Variants in PPFIA2 observed in about 807,000 individuals in gnomAD.
PPFIA2 encodes the protein PPFI scaffold protein A2.
In PPFIA2, 46 loss-of-function variants were observed where a neutral mutation model predicts 175.5. The observed-to-expected ratio is 0.26, with a 90% CI of 0.21 to 0.34. The LOEUF (loss-of-function observed/expected upper bound fraction) is 0.34. Ranked by LOEUF, PPFIA2 falls within the 10% of genes least tolerant of loss-of-function variation. The pLI, the probability that PPFIA2 is intolerant of heterozygous loss-of-function variation, is 1.00. For synonymous variants in PPFIA2, 568 were observed against 511.4 expected, an observed-to-expected ratio of 1.11 and a Z score of -1.49; for missense variants, 1,179 against 1,506.1, an observed-to-expected ratio of 0.78 and a Z score of 3.60.
Position 81,294,921 on chromosome 12 carries a change from T to C in PPFIA2, c.2839A>G (p.Asn947Asp). The change falls in exon 24 of 33, where the codon AAT (asparagine) becomes GAT (aspartate). Residue 947 changes from asparagine (N) to aspartate (D), a missense_variant. By Grantham distance (23) the Asn-to-Asp change is conservative (BLOSUM62 1). Transcript: ENST00000549396. ...CGAAGTTTTAAGCGATGCAGTGGAT[T>C]GCTGATTCCAATTTCTCTCTGGATC... ...TEIQREIGISNPLHRLKLRLA... is the reference protein window; with the variant it reads ...TEIQREIGISDPLHRLKLRLA... 3 of 1,612,750 alleles carry C rather than the reference T, an allele frequency of 1.9e-6. No homozygotes were observed. The highest frequency in any genetic ancestry group is 2.5e-6 in the Non-Finnish European group (3 of 1,178,924).
intron 4 of PPFIA2, among the ~76,000 whole-genome samples, chr12:81,529,544 C>T (rs962499428): frequency 5.9e-5 from 8 of 135,166 alleles, no homozygotes; most frequent in African/African-American, 8.6e-5. Context: ...CAAAGAGTGG[C>T]GGGGGGGCAG....
intron 4 of PPFIA2, among the ~76,000 whole-genome samples, chr12:81,665,025 C>A (rs574123316): frequency 2.1e-5 from 3 of 143,432 alleles, no homozygotes; most frequent in Non-Finnish European, 4.6e-5. Flanking sequence ...CATCACACAC[C>A]GGGGCCTGTT....
intron 6 of PPFIA2, among the ~76,000 whole-genome samples, chr12:81,443,841 C>CTTT (rs1391959282): frequency 2.5e-5 from 3 of 120,000 alleles, no homozygotes; most frequent in Admixed American, 8.4e-5. Context: ...AAATGCCAAC[C>CTTT]TTTCTTTTTT....
chr12:81,423,406 C>T (rs2046632394), intron 7 of PPFIA2, among the ~76,000 whole-genome samples: 1 of 151,990 alleles, frequency 6.6e-6, no homozygotes, highest in Admixed American at 6.6e-5. Context: ...CATATCATGA[C>T]CAAGAGAGAT....
chr12:81,265,652 G>T (rs2037029796), intron 30 of PPFIA2, among the ~76,000 whole-genome samples: 1 of 152,112 alleles, frequency 6.6e-6, no homozygotes. Context: ...ATTCTATTTT[G>T]TGCTTTTAAA....
chr12:81,703,950 T>A (rs910006605), intron 3 of PPFIA2, among the ~76,000 whole-genome samples: 1 of 152,190 alleles, frequency 6.6e-6, no homozygotes, highest in Non-Finnish European at 1.5e-5. Context: ...TGACTTATTA[T>A]TCTATTCCTC....
At chr12:81,598,006 A>G in intron 4 of PPFIA2, 1 of 1,535,226 alleles carries the variant, frequency 6.5e-7, no homozygotes. Flanking sequence ...GGGAGCCAGA[A>G]ACGGTGTTCA....
chr12:81,335,820 T>C (rs1289670916), intron 21 of PPFIA2, among the ~76,000 whole-genome samples: 1 of 152,038 alleles, frequency 6.6e-6, no homozygotes, highest in East Asian at 1.9e-4. Context: ...GAAATGACTC[T>C]AAAACCAGAT....
intron 3 of PPFIA2, among the ~76,000 whole-genome samples, chr12:81,718,709 G>A (rs2078961177): frequency 6.6e-6 from 1 of 151,584 alleles, no homozygotes; most frequent in African/African-American, 2.4e-5. Context: ...AGAAAATGCT[G>A]CTATAAATAT....
At position 81,627,570 on chromosome 12, in the gene PPFIA2, A is replaced by G. The variant is rs372980937; in HGVS notation, c.303+49221T>C. ...GTGTCACACATGGGATATATCTATT[A>G]CATAACTCTCAATACCACAATCTAA... On this transcript the variant is annotated intron_variant, in intron 4 of 32. Coordinates refer to ENST00000549396, the MANE Select transcript of PPFIA2 (RefSeq NM_003625.5). Among the ~76,000 whole-genome samples the G allele has an allele frequency of 4.1e-4, 63 of 152,288 alleles. No homozygotes were observed. The South Asian group carries it at 9.3e-3, about 23-fold the overall frequency.
At position 81,347,579 on chromosome 12, in the gene PPFIA2, G is replaced by A. The variant is rs957575957; in HGVS notation, c.2186C>T (p.Pro729Leu). Reference protein sequence around the residue: ...PSGHSTPKLTPRSPAREMDRM... With the variant: ...PSGHSTPKLTLRSPAREMDRM... ...ATCCATTTCCCTGGCAGGGCTTCGA[G>A]GGGTGAGCTTTGGAGTTGAGTGTCC... Residue 729 changes from proline (P) to leucine (L), a missense_variant, in exon 18 of 33, where the codon CCT (proline) becomes CTT (leucine). By Grantham distance (98) the Pro-to-Leu change is moderately conservative. Transcript: ENST00000549396. 1 of 1,613,636 alleles carries A rather than the reference G, an allele frequency of 6.2e-7. No homozygotes were observed. The highest frequency in any genetic ancestry group is 8.5e-7 in the Non-Finnish European group (1 of 1,179,616).
At chr12:81,264,678 C>A (rs773471884) in intron 30 of PPFIA2, among the ~76,000 whole-genome samples, 7 of 152,124 alleles carry the variant, frequency 4.6e-5, no homozygotes, top group Non-Finnish European at 7.4e-5. Flanking sequence ...AAAATAAAAT[C>A]ATTTTTATAT....
intron 4 of PPFIA2, among the ~76,000 whole-genome samples, chr12:81,498,557 T>A (rs2060261489): frequency 6.6e-6 from 1 of 152,202 alleles, no homozygotes; most frequent in South Asian, 2.1e-4. Flanking sequence ...TGTGTCCTTC[T>A]TATTGTATCC....
intron 30 of PPFIA2, among the ~76,000 whole-genome samples, chr12:81,263,878 G>T (rs1009711567): frequency 9.2e-5 from 14 of 152,084 alleles, no homozygotes; most frequent in African/African-American, 3.1e-4. Flanking sequence ...GCTAATATGA[G>T]ACACTGTAGC....
rs181424505 is a variant in PPFIA2 at position 81,286,803 on chromosome 12, C to A, written c.2926-2500G>T. Among the ~76,000 whole-genome samples the A allele has an allele frequency of 2.2e-3, 336 of 152,010 alleles. 3 individuals are homozygous for A. The highest frequency in any genetic ancestry group is 7.5e-3 in the African/African-American group (310 of 41,528). ...CAAATATATGTATAGAATTTATTTT[C>A]TTCTACTGTTTTGGAATTTAGAGTA... On this transcript the variant is annotated intron_variant, in intron 24 of 32. Coordinates refer to ENST00000549396, the MANE Select transcript of PPFIA2 (RefSeq NM_003625.5).
At chr12:81,730,905 A>G (rs2153639618) in intron 3 of PPFIA2, among the ~76,000 whole-genome samples, 1 of 151,624 alleles carries the variant, frequency 6.6e-6, no homozygotes, top group South Asian at 2.1e-4. Flanking sequence ...TTATGACAAA[A>G]AAAAAACCTA....
chr12:81,381,487 C>A (rs776423228), intron 9 of PPFIA2, among the ~76,000 whole-genome samples: 1 of 152,032 alleles, frequency 6.6e-6, no homozygotes, highest in Non-Finnish European at 1.5e-5. Context: ...ATTAATAGAG[C>A]AATGAGTACT....
intron 2 of PPFIA2, among the ~76,000 whole-genome samples, chr12:81,754,541 T>C (rs2084344098): frequency 6.6e-6 from 1 of 152,220 alleles, no homozygotes; most frequent in Non-Finnish European, 1.5e-5. Context: ...AAACATGTGA[T>C]TTCTATTATT....
In PPFIA2 at chr12:81,580,734, G is replaced by T. The variant is rs886076967; in HGVS notation, c.303+96057C>A. ...ATACTTCATATTCTATAGAAACGAT[G>T]TCAACTTTAATGAATATATCGCCAA... On this transcript the variant is annotated intron_variant, in intron 4 of 32. Transcript: ENST00000549396. Among the ~76,000 whole-genome samples the T allele has an allele frequency of 2.6e-5, 4 of 151,670 alleles. No homozygotes were observed. In the Admixed American group the frequency reaches 2.6e-4, roughly 10 times the overall value.
Sources: allele counts gnomAD v4.1 joint callset (sites outside exome capture counted in the v4.1 genomes callset), GRCh38; gene constraint gnomAD v4.1.1; transcripts MANE v1.5; gene names NCBI Gene and HGNC (gene_info 2026-07-23, HGNC 2026-07-21).